PTPRQ: variants seen among roughly 807,000 people sequenced by gnomAD.
PTPRQ encodes the protein protein tyrosine phosphatase receptor type Q, also known as phosphatidylinositol phosphatase PTPRQ.
PTPRQ carries 199 observed loss-of-function variants against 246.0 expected under a neutral mutation model. The observed-to-expected ratio is 0.81, with a 90% CI of 0.72 to 0.91. PTPRQ has a LOEUF of 0.91. Ranked by LOEUF, PTPRQ falls within the 40% of genes least tolerant of loss-of-function variation. PTPRQ has a pLI of 0.00. For missense variants in PTPRQ, 2,624 were observed against 2,528.4 expected, an observed-to-expected ratio of 1.04 and a Z score of -0.81; for synonymous variants, 869 against 853.2, an observed-to-expected ratio of 1.02 and a Z score of -0.32.
At chr12:80,489,971 T>G (rs1754428434) in intron 9 of PTPRQ, among the ~76,000 whole-genome samples, 1 of 145,128 alleles carries the variant, frequency 6.9e-6, no homozygotes, top group Non-Finnish European at 1.5e-5. Context: ...TCAACGTTTG[T>G]CACTGGTGAA....
rs944955180 is a variant in PTPRQ at position 80,665,674 on chromosome 12, TG to T, written c.6193-3330del. Among the ~76,000 whole-genome samples the T allele has an allele frequency of 5.3e-5, 8 of 151,942 alleles. No individual in the cohort carries two copies. In the East Asian group the frequency reaches 1.4e-3, roughly 26 times the overall value. ...CAGAATGAATAGACAATCTGCAAAA[TG>T]GGAGAAAATATTTGCAAACTATTCA... On this transcript the variant is annotated intron_variant, in intron 39 of 44. Coordinates refer to ENST00000644991, the MANE Select transcript of PTPRQ (RefSeq NM_001145026.2).
At chr12:80,490,407 T>A (rs952030172) in intron 9 of PTPRQ, among the ~76,000 whole-genome samples, 10 of 152,030 alleles carry the variant, frequency 6.6e-5, no homozygotes, top group Admixed American at 6.6e-5. Flanking sequence ...TAAAATCAAG[T>A]TGGTTTATTC....
intron 37 of PTPRQ, among the ~76,000 whole-genome samples, chr12:80,650,198 T>A (rs768541770): frequency 1.3e-5 from 2 of 151,966 alleles, no homozygotes; most frequent in Non-Finnish European, 2.9e-5. Flanking sequence ...AGATAAGTAA[T>A]GTCCACGTTT....
intron 24 of PTPRQ, 46 bp from the exon 25 acceptor site, chr12:80,549,419 T>G: frequency 6.8e-7 from 1 of 1,478,202 alleles, no homozygotes; most frequent in Non-Finnish European, 9.0e-7. Flanking sequence ...ATTATCTACT[T>G]ACATATGTAT....
rs530031211 is a variant in PTPRQ at position 80,591,075 on chromosome 12, C to T, written c.4609+2623C>T. 1.4e-4 allele frequency among the ~76,000 whole-genome samples: 21 copies of T among 148,980 alleles called. No individual in the cohort carries two copies. In the South Asian group the frequency reaches 2.1e-3, roughly 15 times the overall value. Reference sequence around the variant, plus strand: ...ATTTTAATGAACATTTATAATTACACGATCATTTTTATTTGCTTGTGTTTA... The same window carrying T: ...ATTTTAATGAACATTTATAATTACATGATCATTTTTATTTGCTTGTGTTTA... On this transcript the variant is annotated intron_variant, in intron 26 of 44. Coordinates refer to ENST00000644991, the MANE Select transcript of PTPRQ (RefSeq NM_001145026.2).
intron 26 of PTPRQ, among the ~76,000 whole-genome samples, chr12:80,602,871 C>T (rs908588941): frequency 3.3e-5 from 5 of 151,732 alleles, no homozygotes; most frequent in African/African-American, 7.3e-5. Context: ...AAATTATCTG[C>T]AATTTAAAAA....
At chr12:80,580,834 C>G (rs924580013) in intron 25 of PTPRQ, among the ~76,000 whole-genome samples, 2 of 152,168 alleles carry the variant, frequency 1.3e-5, no homozygotes, top group African/African-American at 2.4e-5. Flanking sequence ...ATCACTGTGC[C>G]TGTCACATAA....
In PTPRQ at chr12:80,588,133, C is replaced by G; in HGVS notation, c.4290C>G (p.Pro1430=). ...CHVSTLPETV[P]SVPTNIAFSD... ...ATTTTTCCCTTTAATTTTTAGTTCCCAGTGTTCCCACAAATATTGCTTTTT... is the reference window on the plus strand; with the variant it reads ...ATTTTTCCCTTTAATTTTTAGTTCCGAGTGTTCCCACAAATATTGCTTTTT... Residue 1430 remains proline, a synonymous_variant, in exon 26 of 45, where the codon CCC becomes CCG. Transcript: ENST00000644991. 6.6e-7 allele frequency: 1 copy of G among 1,519,292 alleles called. No homozygotes were observed. Among genetic ancestry groups the G allele is most frequent in the Admixed American group, 2.2e-5 (1 of 45,828 alleles). The allele number at this position is 1,519,292 out of a possible 1,614,324, so 94.1% of individuals were successfully genotyped here. A position where few individuals can be genotyped will look rare whatever the true frequency, so the allele number is the denominator to read the frequency against.
intron 25 of PTPRQ, among the ~76,000 whole-genome samples, chr12:80,584,805 G>T (rs1197843750): frequency 2.0e-5 from 3 of 152,034 alleles, no homozygotes; most frequent in Non-Finnish European, 2.9e-5. Flanking sequence ...ATGTTCAGAT[G>T]ATCTGAGTTC....
At chr12:80,619,286 C>T (rs955004550) in intron 30 of PTPRQ, 98 bp from the exon 31 acceptor site, 25 of 1,348,814 alleles carry the variant, frequency 1.9e-5, no homozygotes, top group Non-Finnish European at 6.0e-6. Context: ...TTTGTCATCA[C>T]TTTATCTGTA....
chr12:80,519,907 C>T (rs943619170), intron 17 of PTPRQ, among the ~76,000 whole-genome samples: 1 of 152,068 alleles, frequency 6.6e-6, no homozygotes, highest in Non-Finnish European at 1.5e-5. Flanking sequence ...CAGTTAGTCT[C>T]TGTCTGATGG....
intron 25 of PTPRQ, among the ~76,000 whole-genome samples, chr12:80,572,844 G>C (rs1054585410): frequency 2.0e-5 from 3 of 151,922 alleles, no homozygotes; most frequent in African/African-American, 7.3e-5. Flanking sequence ...TACATTCCTG[G>C]GATAAAACAC....
chr12:80,559,340 G>T (rs745415440), intron 25 of PTPRQ, among the ~76,000 whole-genome samples: 46 of 152,162 alleles, frequency 3.0e-4, no homozygotes, highest in Non-Finnish European at 4.9e-4. Flanking sequence ...CATCGCGCCC[G>T]GCCTGTAGTG....
chr12:80,557,972 T>C (rs1896692094), intron 25 of PTPRQ, among the ~76,000 whole-genome samples: 1 of 152,076 alleles, frequency 6.6e-6, no homozygotes, highest in Non-Finnish European at 1.5e-5. Flanking sequence ...ATAAAGTATG[T>C]AACCTTTTTT....
At chr12:80,455,775 T>TA (rs982075743) in intron 3 of PTPRQ, among the ~76,000 whole-genome samples, 4 of 151,810 alleles carry the variant, frequency 2.6e-5, no homozygotes, top group Non-Finnish European at 4.4e-5. Context: ...GTATTTTATT[T>TA]TTTTTTAGCA....
intron 25 of PTPRQ, among the ~76,000 whole-genome samples, chr12:80,568,893 A>G (rs1360221904): frequency 1.3e-5 from 2 of 152,188 alleles, no homozygotes; most frequent in East Asian, 1.9e-4. Flanking sequence ...TTTTCATATT[A>G]TAAAATTTTT....
chr12:80,480,372 C>T (rs1652136772), intron 8 of PTPRQ, among the ~76,000 whole-genome samples: 2 of 152,006 alleles, frequency 1.3e-5, no homozygotes, highest in Admixed American at 1.3e-4. Flanking sequence ...GCATTCAAAG[C>T]AGTGTGTAGA....
chr12:80,544,533 T>C (rs1896248206), intron 23 of PTPRQ, among the ~76,000 whole-genome samples: 3 of 152,122 alleles, frequency 2.0e-5, no homozygotes, highest in Admixed American at 1.3e-4. Context: ...TGGGCAGTAG[T>C]TTTGTGTTTT....
intron 3 of PTPRQ, among the ~76,000 whole-genome samples, chr12:80,455,592 TTG>T (rs1244896414): frequency 5.9e-4 from 34 of 57,380 alleles, no homozygotes; most frequent in African/African-American, 9.8e-5. Flanking sequence ...CTTTACATAG[TTG>T]TTTTTTTTTT....
Sources: gnomAD v4.1 joint callset for allele counts (sites outside exome capture counted in the v4.1 genomes callset) on GRCh38, gnomAD v4.1.1 for gene constraint, MANE v1.5 for transcripts, NCBI Gene and HGNC (gene_info 2026-07-23, HGNC 2026-07-21) for gene names.